STK33: variants seen among roughly 807,000 people sequenced by gnomAD.
STK33 encodes the protein serine/threonine-protein kinase 33.
A neutral mutation model predicts 58.0 loss-of-function variants in STK33; 52 were observed. That is an observed-to-expected ratio of 0.90 (90% CI 0.72 to 1.13). STK33 has a LOEUF of 1.13. STK33 is among the 50% of genes most tolerant of loss of function. The probability of loss-of-function intolerance (pLI) is 0.00; values close to 1 mark genes in which losing one functional copy is unlikely to be tolerated. For missense variants in STK33, 630 were observed against 604.2 expected (o/e 1.04, Z -0.45); for synonymous variants, 215 against 200.1 (o/e 1.07, Z -0.63).
intron 14 of STK33, among the ~76,000 whole-genome samples, chr11:8,431,779 C>G (rs1943453215): frequency 6.6e-6 from 1 of 152,016 alleles, no homozygotes; most frequent in South Asian, 2.1e-4. Flanking sequence ...AAATTGTAAC[C>G]CTGGTTCAAG....
intron 14 of STK33, among the ~76,000 whole-genome samples, chr11:8,416,005 C>G (rs1941065597): frequency 6.6e-6 from 1 of 152,120 alleles, no homozygotes; most frequent in African/African-American, 2.4e-5. Flanking sequence ...GATCAGTGAC[C>G]AATTTTGTCA....
Position 8,402,818 on chromosome 11 carries a change from A to T in STK33, c.1345-10108T>A, listed in dbSNP as rs1221525248. 5.3e-5 allele frequency among the ~76,000 whole-genome samples: 8 copies of T among 152,140 alleles called. No homozygotes were observed. In the East Asian group the frequency reaches 1.5e-3, roughly 29 times the overall value. On this transcript the variant is annotated intron_variant, in intron 15 of 15. Transcript: ENST00000687296. ...CCAAGCTTTATCTAGAAACATGAAC[A>T]AATCTTAATTTTTCAGGGCTTTATT... is the stretch of plus-strand genomic sequence containing the variant.
chr11:8,335,075 C>A, the STK33 span, among the ~76,000 whole-genome samples: 1 of 152,226 alleles, frequency 6.6e-6, no homozygotes, highest in Non-Finnish European at 1.5e-5. Context: ...GGTCTCAGAG[C>A]TTCAGGAGGA....
Position 8,568,593 on chromosome 11 carries a change from T to C in STK33, c.-466+25490A>G, listed in dbSNP as rs558220342. On this transcript the variant is annotated intron_variant, in intron 1 of 15. Transcript: ENST00000687296. ...GCAAAAATTAGACGTTTGAAGTTTT[T>C]TGAAAGCTTGAGTTTATCTGGAAAT... 4.6e-5 allele frequency among the ~76,000 whole-genome samples: 7 copies of C among 152,292 alleles called. No individual in the cohort carries two copies. In the East Asian group the frequency reaches 1.3e-3, roughly 29 times the overall value.
the STK33 span, among the ~76,000 whole-genome samples, chr11:8,368,600 G>T: frequency 0.25 from 38,139 of 152,170 alleles, 5,691 homozygotes; most frequent in East Asian, 0.4. Context: ...ATTTCCGGGT[G>T]TTTATAGATT....
At chr11:8,446,331 C>T in intron 11 of STK33, among the ~76,000 whole-genome samples, 1 of 152,102 alleles carries the variant, frequency 6.6e-6, no homozygotes. Context: ...AAACCAGCTC[C>T]TGGATTCATT....
rs1051246073 is a variant in STK33, at chr11:8,476,371, G to A, written c.-162+316C>T. Among the ~76,000 whole-genome samples, 9 of 152,288 alleles carry A rather than the reference G, an allele frequency of 5.9e-5. No individual in the cohort carries two copies. In the South Asian group the frequency reaches 1.5e-3, roughly 25 times the overall value. ...AAAGATAGAAAAACATAATTAAAGA[G>A]TAAGCTTAAGAAACAGAAATGACAA... is the stretch of plus-strand genomic sequence containing the variant. On this transcript the variant is annotated intron_variant, in intron 4 of 15. Transcript: ENST00000687296.
intron 9 of STK33, 57 bp downstream of exon 9, chr11:8,457,284 A>C: frequency 3.5e-6 from 5 of 1,418,388 alleles, no homozygotes; most frequent in Non-Finnish European, 4.7e-6. Context: ...AATTACCCTT[A>C]AACAAAAGTG....
intron 1 of STK33, among the ~76,000 whole-genome samples, chr11:8,564,350 T>C (rs926666339): frequency 6.6e-6 from 1 of 152,190 alleles, no homozygotes; most frequent in South Asian, 2.1e-4. Context: ...CAAAGCCTTA[T>C]GGAAGAAAGC....
intron 14 of STK33, among the ~76,000 whole-genome samples, chr11:8,424,547 C>A (rs535103550): frequency 2.0e-5 from 3 of 151,928 alleles, no homozygotes; most frequent in Non-Finnish European, 4.4e-5. Context: ...AATTCTAGAT[C>A]CCTGAGGAAT....
At chr11:8,514,843 T>G (rs1034899299) in intron 1 of STK33, among the ~76,000 whole-genome samples, 1 of 152,078 alleles carries the variant, frequency 6.6e-6, no homozygotes, top group Non-Finnish European at 1.5e-5. Context: ...CAAACATGAA[T>G]AAAACCAGGA....
At chr11:8,569,960 T>C (rs1307450249) in intron 1 of STK33, among the ~76,000 whole-genome samples, 1 of 151,498 alleles carries the variant, frequency 6.6e-6, no homozygotes. Flanking sequence ...AAAAAATAAA[T>C]AAATAGATAA....
rs191322904 is a variant in STK33, at chr11:8,564,076, T to C, written c.-466+30007A>G. On this transcript the variant is annotated intron_variant, in intron 1 of 15. Coordinates refer to ENST00000687296, the MANE Select transcript of STK33 (RefSeq NM_001352389.2). The stretch of plus-strand genomic sequence containing the variant: ...AATAAACACTTTTTCAGGAGCGGAG[T>C]GGCATAATCAGATTTTTATTTGTAA... Among the ~76,000 whole-genome samples, 395 of 152,216 alleles carry C rather than the reference T, an allele frequency of 2.6e-3. 6 individuals carry two copies. The highest frequency in any genetic ancestry group is 0.015 in the Admixed American group (236 of 15,274).
At chr11:8,379,974 G>T in the STK33 span, among the ~76,000 whole-genome samples, 1 of 152,098 alleles carries the variant, frequency 6.6e-6, no homozygotes, top group East Asian at 1.9e-4. Context: ...TATTTTTGTG[G>T]CTCCATAGTA....
intron 1 of STK33, among the ~76,000 whole-genome samples, chr11:8,553,215 ATATATATATG>A: frequency 9.6e-6 from 1 of 104,390 alleles, no homozygotes; most frequent in Non-Finnish European, 1.9e-5. Flanking sequence ...ATATATATAT[ATATATATATG>A]GTGTGTATAT....
intron 6 of STK33, chr11:8,465,153 T>TTA (rs1247228673): frequency 5.5e-6 from 1 of 181,004 alleles, no homozygotes; most frequent in African/African-American, 2.4e-5. Context: ...GAGAAATGAT[T>TTA]TATATATATA....
chr11:8,455,687 T>A (rs1258134498), intron 9 of STK33, among the ~76,000 whole-genome samples: 1 of 151,488 alleles, frequency 6.6e-6, no homozygotes, highest in East Asian at 1.9e-4. Flanking sequence ...GGCGGGTGCC[T>A]ATAGTCCCAG....
At chr11:8,441,114 T>C (rs1185185898) in intron 11 of STK33, among the ~76,000 whole-genome samples, 1 of 152,192 alleles carries the variant, frequency 6.6e-6, no homozygotes, top group Non-Finnish European at 1.5e-5. Flanking sequence ...CTTAAGTAGA[T>C]GTAACATAAT....
At chr11:8,503,520 A>T (rs979139524) in intron 1 of STK33, among the ~76,000 whole-genome samples, 1 of 152,142 alleles carries the variant, frequency 6.6e-6, no homozygotes, top group Non-Finnish European at 1.5e-5. Flanking sequence ...ATTGGGTACT[A>T]TGCTCAAACC....
Sources: allele counts gnomAD v4.1 joint callset (sites outside exome capture counted in the v4.1 genomes callset), GRCh38; gene constraint gnomAD v4.1.1; transcripts MANE v1.5; gene names NCBI Gene and HGNC (gene_info 2026-07-23, HGNC 2026-07-21).